The following CYP2C19 variants were observed in gnomAD, a reference collection of about 807,000 sequenced individuals.
The protein encoded by CYP2C19 is cytochrome P450 2C19.
A neutral mutation model predicts 40.9 loss-of-function variants in CYP2C19; 59 were observed. That is an observed-to-expected ratio of 1.44 (90% CI 1.17 to 1.79). The LOEUF (loss-of-function observed/expected upper bound fraction) is 1.79, where lower values mean the gene tolerates loss of function less well. Among genes scored for constraint, CYP2C19 ranks in the 40% most tolerant of loss-of-function variants. The pLI is 0.00. For synonymous variants in CYP2C19, 253 were observed against 208.7 expected, an observed-to-expected ratio of 1.21 and a Z score of -1.83; for missense variants, 754 against 596.9, an observed-to-expected ratio of 1.26 and a Z score of -2.74.
chr10:94,779,458 G>C (rs770979542), intron 3 of CYP2C19, among the ~76,000 whole-genome samples: 44 of 152,074 alleles, frequency 2.9e-4, no homozygotes, highest in Non-Finnish European at 5.9e-4. Context: ...GATGATTAGA[G>C]ATGATGGGCA....
At chr10:94,780,396 A>G in intron 3 of CYP2C19, 103 bp from the exon 4 acceptor site, 3 of 1,436,184 alleles carry the variant, frequency 2.1e-6, no homozygotes, top group Non-Finnish European at 2.8e-6. Flanking sequence ...TTCATAGGTA[A>G]GATATTACTT....
chr10:94,776,731 A>G (rs1168884221), intron 3 of CYP2C19, among the ~76,000 whole-genome samples: 1 of 152,154 alleles, frequency 6.6e-6, no homozygotes, highest in East Asian at 1.9e-4. Context: ...TTCCCTTTGA[A>G]AACCAGAGCA....
rs115164447 is a variant in CYP2C19, at chr10:94,804,059, A to G, written c.820-16437A>G. On this transcript the variant is annotated intron_variant, in intron 5 of 8. Transcript: ENST00000371321. ...GTCCTTCTGGACCATTATCTATACCAAGGAAGAGTGGGGTGGCTAGGACTG... is the reference window on the plus strand; with the variant it reads ...GTCCTTCTGGACCATTATCTATACCGAGGAAGAGTGGGGTGGCTAGGACTG... Among the ~76,000 whole-genome samples the G allele has an allele frequency of 2.8e-3, 433 of 152,014 alleles. 2 individuals carry two copies. The highest frequency in any genetic ancestry group is 1.0e-2 in the African/African-American group (413 of 41,474).
intron 5 of CYP2C19, among the ~76,000 whole-genome samples, chr10:94,786,274 G>C (rs1848540189): frequency 6.6e-6 from 1 of 152,064 alleles, no homozygotes. Flanking sequence ...TCTGGAAAAA[G>C]GTCACGGGTA....
rs760514392 is a variant in CYP2C19, at chr10:94,775,112, G to A, written c.223G>A (p.Val75Met). ...TCTGTATTTTGGCCTGGAACGCATG[G>A]TGGTGCTGCATGGATATGAAGTGGT... ...FTLYFGLERM[V>M]VLHGYEVVKE... is the part of the protein sequence containing the mutation. The change falls in exon 2 of 9, where the codon GTG becomes ATG. Residue 75 changes from valine (V) to methionine (M), a missense_variant. Physicochemically the swap from Val to Met is conservative, Grantham distance 21. Transcript: ENST00000371321. 1.2e-6 allele frequency: 2 copies of A among 1,614,162 alleles called. No individual in the cohort carries two copies. Among genetic ancestry groups the A allele is most frequent in the East Asian group, 2.2e-5 (1 of 44,888 alleles).
At chr10:94,768,236 T>A (rs1009304275) in intron 1 of CYP2C19, among the ~76,000 whole-genome samples, 2 of 152,218 alleles carry the variant, frequency 1.3e-5, no homozygotes, top group Non-Finnish European at 2.9e-5. Flanking sequence ...CCACCAGTTC[T>A]GCTAACTGGG....
intron 1 of CYP2C19, among the ~76,000 whole-genome samples, chr10:94,771,166 G>C (rs1439691603): frequency 2.0e-5 from 3 of 152,032 alleles, no homozygotes; most frequent in East Asian, 3.9e-4. Flanking sequence ...ATGTACCCAG[G>C]TTGGGCCAAA....
At chr10:94,768,851 A>C (rs1848286993) in intron 1 of CYP2C19, among the ~76,000 whole-genome samples, 1 of 152,104 alleles carries the variant, frequency 6.6e-6, no homozygotes, top group African/African-American at 2.4e-5. Context: ...TTAAAGCTGA[A>C]GCTTGTACTA....
intron 7 of CYP2C19, among the ~76,000 whole-genome samples, chr10:94,846,237 T>G (rs1157229677): frequency 6.6e-6 from 1 of 152,182 alleles, no homozygotes; most frequent in Non-Finnish European, 1.5e-5. Flanking sequence ...TTGATCTCTG[T>G]GAAGAGTTGA....
chr10:94,799,658 C>G (rs560818986), intron 5 of CYP2C19, among the ~76,000 whole-genome samples: 26 of 152,296 alleles, frequency 1.7e-4, no homozygotes, highest in African/African-American at 6.3e-4. Context: ...TTGGTCTTTT[C>G]ACATAGTCCA....
chr10:94,796,329 A>G (rs965493411), intron 5 of CYP2C19, among the ~76,000 whole-genome samples: 2 of 152,076 alleles, frequency 1.3e-5, no homozygotes, highest in Admixed American at 6.5e-5. Context: ...ATTATTTCTG[A>G]GGGCTCTGTT....
At chr10:94,850,794 C>A (rs536908120) in intron 8 of CYP2C19, among the ~76,000 whole-genome samples, 1 of 152,082 alleles carries the variant, frequency 6.6e-6, no homozygotes, top group Non-Finnish European at 1.5e-5. Context: ...AAAACCTTTG[C>A]CAAATAACCA....
chr10:94,844,405 C>T (rs1471171037), intron 7 of CYP2C19, among the ~76,000 whole-genome samples: 1 of 152,070 alleles, frequency 6.6e-6, no homozygotes, highest in East Asian at 1.9e-4. Flanking sequence ...TAGCTTAGCT[C>T]TCTGAGGTTC....
chr10:94,779,181 A>G (rs1358784517), intron 3 of CYP2C19, among the ~76,000 whole-genome samples: 3 of 152,142 alleles, frequency 2.0e-5, no homozygotes, highest in Admixed American at 1.3e-4. Flanking sequence ...CTTAAAACCT[A>G]GATGACAGGT....
chr10:94,816,711 A>G (rs1397495910), intron 5 of CYP2C19, among the ~76,000 whole-genome samples: 6 of 140,784 alleles, frequency 4.3e-5, no homozygotes, highest in South Asian at 2.5e-4. Flanking sequence ...TATATCTCCC[A>G]ATGCTATCCC....
chr10:94,852,384 C>T (rs995042944), intron 8 of CYP2C19, among the ~76,000 whole-genome samples: 1 of 152,168 alleles, frequency 6.6e-6, no homozygotes, highest in East Asian at 1.9e-4. Flanking sequence ...ACCCACTGGA[C>T]AGGTAATGTA....
intron 6 of CYP2C19, among the ~76,000 whole-genome samples, chr10:94,831,725 C>G (rs1275640059): frequency 6.6e-6 from 1 of 152,166 alleles, no homozygotes; most frequent in African/African-American, 2.4e-5. Flanking sequence ...CTATTCAAAT[C>G]TTTTGCCCAC....
chr10:94,796,535 G>C (rs1337572289), intron 5 of CYP2C19, among the ~76,000 whole-genome samples: 2 of 152,096 alleles, frequency 1.3e-5, no homozygotes, highest in Non-Finnish European at 2.9e-5. Flanking sequence ...TGTGAAGAAA[G>C]TCATTGGTAT....
intron 5 of CYP2C19, among the ~76,000 whole-genome samples, chr10:94,798,814 A>ATTTTTTTTTTTTTT (rs61240923): frequency 5.6e-4 from 38 of 67,690 alleles, no homozygotes; most frequent in Non-Finnish European, 6.7e-4. Context: ...GCAACCCCTG[A>ATTTTTTTTTTTTTT]TTTTTTTTTT....
Sources: gnomAD v4.1 joint callset for allele counts (sites outside exome capture counted in the v4.1 genomes callset) on GRCh38, gnomAD v4.1.1 for gene constraint, MANE v1.5 for transcripts, NCBI Gene and HGNC (gene_info 2026-07-23, HGNC 2026-07-21) for gene names.